The following CREM variants were observed in gnomAD, a reference collection of about 807,000 sequenced individuals.
CREM encodes the protein cAMP responsive element modulator.
CREM carries 13 observed loss-of-function variants against 37.3 expected under a neutral mutation model. That is an observed-to-expected ratio of 0.35 (90% CI 0.23 to 0.55). CREM has a LOEUF of 0.55. Among genes scored for constraint, CREM ranks in the 20% least tolerant of loss-of-function variants. CREM has a pLI of 0.88. For missense variants in CREM, 296 were observed against 362.3 expected (o/e 0.82, Z 1.49); for synonymous variants, 124 against 120.2 (o/e 1.03, Z -0.21).
In CREM at chr10:35,211,528, T is replaced by C; in HGVS notation, c.*130T>C. 2.7e-6 allele frequency: 4 copies of C among 1,495,356 alleles called. No homozygotes were observed. The South Asian group carries it at 5.3e-5, about 20-fold the overall frequency. 92.6% of individuals were successfully genotyped at this position (1,495,356 alleles called of 1,614,324 possible). A position where few individuals can be genotyped will look rare whatever the true frequency, so the allele number is the denominator to read the frequency against. ...ATCCAGTTTGGATTAGTGTTTGAAATTGAATTGGGAATGTTGTTCCAGGAT... is the reference window on the plus strand; with the variant it reads ...ATCCAGTTTGGATTAGTGTTTGAAACTGAATTGGGAATGTTGTTCCAGGAT... On this transcript the variant is annotated 3_prime_UTR_variant, in exon 8 of 8. Transcript: ENST00000685392.
At chr10:35,206,621 A>G (rs1201451150) in intron 6 of CREM, among the ~76,000 whole-genome samples, 1 of 152,208 alleles carries the variant, frequency 6.6e-6, no homozygotes, top group African/African-American at 2.4e-5. Flanking sequence ...CTAAATGAGC[A>G]TCTTAAGCTT....
At position 35,136,529 on chromosome 10, in the gene CREM, C is replaced by G. The variant is rs555367210; in HGVS notation, c.-54-1253C>G. Among the ~76,000 whole-genome samples, 6 of 152,306 alleles carry G rather than the reference C, an allele frequency of 3.9e-5. No individual in the cohort carries two copies. The East Asian group carries it at 1.2e-3, about 29-fold the overall frequency. On this transcript the variant is annotated intron_variant, in intron 1 of 7. Transcript: ENST00000685392. ...AGCCTGTTCAAATGCCCTACTGTCT[C>G]TTGTCCCTATGCTGGGGGCACATGG...
intron 1 of CREM, among the ~76,000 whole-genome samples, chr10:35,135,906 A>T (rs1200570601): frequency 6.6e-6 from 1 of 152,172 alleles, no homozygotes; most frequent in Non-Finnish European, 1.5e-5. Context: ...ACTAGAAAGC[A>T]TCCTTTTAGA....
At chr10:35,167,864 A>G in intron 3 of CREM, 1 of 1,402,422 alleles carries the variant, frequency 7.1e-7, no homozygotes, top group Middle Eastern at 1.8e-4. Flanking sequence ...AGAGGGGTAA[A>G]AATTGTGAAA....
intron 6 of CREM, chr10:35,201,572 A>C: frequency 6.7e-7 from 1 of 1,501,746 alleles, no homozygotes. Flanking sequence ...AAAGAGAGAT[A>C]TGTAGTTAAT....
At chr10:35,138,435 T>G (rs1301539504) in intron 2 of CREM, among the ~76,000 whole-genome samples, 1 of 152,194 alleles carries the variant, frequency 6.6e-6, no homozygotes, top group East Asian at 1.9e-4. Flanking sequence ...GGATTCTATT[T>G]TTAGAAGAGA....
chr10:35,137,898 T>C lies in CREM; in HGVS notation c.44+19T>C. The C allele has an allele frequency of 6.4e-7, 1 of 1,569,130 alleles. No homozygotes were observed. Among genetic ancestry groups the C allele is most frequent in the Non-Finnish European group, 8.6e-7 (1 of 1,157,246 alleles). The stretch of plus-strand genomic sequence containing the variant: ...ATCCAAGGTAGGTAGATGTACGTTT[T>C]TCTGTTCTTTTGAAAATTCTACTTA... On this transcript the variant is annotated intron_variant, in intron 2 of 7. Coordinates refer to ENST00000685392, the MANE Select transcript of CREM (RefSeq NM_183011.2).
chr10:35,205,069 A>G (rs1362028717), intron 6 of CREM, among the ~76,000 whole-genome samples: 1 of 152,186 alleles, frequency 6.6e-6, no homozygotes, highest in Non-Finnish European at 1.5e-5. Flanking sequence ...GAGAGCATGT[A>G]TTTTGTAATG....
chr10:35,197,613 C>T (rs1317107059), intron 6 of CREM, among the ~76,000 whole-genome samples: 4 of 151,986 alleles, frequency 2.6e-5, no homozygotes, highest in Admixed American at 6.5e-5. Flanking sequence ...CCACCACGCC[C>T]GGCTAATTTT....
chr10:35,197,977 C>CTATACATTTATATAAATGTATA (rs1320951511), intron 6 of CREM, among the ~76,000 whole-genome samples: 25 of 152,116 alleles, frequency 1.6e-4, no homozygotes, highest in Non-Finnish European at 3.5e-4. Context: ...TGTATGTACC[C>CTATACATTTATATAAATGTATA]TACATTTATA....
chr10:35,198,312 C>G (rs1049858099), intron 6 of CREM, among the ~76,000 whole-genome samples: 2 of 152,102 alleles, frequency 1.3e-5, no homozygotes, highest in Non-Finnish European at 2.9e-5. Flanking sequence ...ATCACAACCT[C>G]AGGAGTTCAA....
intron 3 of CREM, chr10:35,158,503 GA>G: frequency 9.7e-6 from 2 of 207,176 alleles, no homozygotes. Context: ...CTGAAGTGGA[GA>G]AGGAGGCCCA....
chr10:35,210,680 C>T (rs2095646153), intron 7 of CREM: 1 of 152,144 alleles, frequency 6.6e-6, no homozygotes. Flanking sequence ...TATAAAAATG[C>T]ACATCTTTTG....
At chr10:35,168,123 G>A (rs2093639342) in intron 3 of CREM, among the ~76,000 whole-genome samples, 2 of 152,198 alleles carry the variant, frequency 1.3e-5, no homozygotes, top group Admixed American at 6.5e-5. Context: ...CCAGTAATGG[G>A]ATGGCTGGGT....
chr10:35,207,802 A>G (rs4934735), intron 7 of CREM, among the ~76,000 whole-genome samples: 50,678 of 151,808 alleles, frequency 0.33, 8,559 homozygotes, highest in Non-Finnish European at 0.35. Context: ...TTCATAAGCC[A>G]TTTCTCCCAA....
Position 35,133,093 on chromosome 10 carries a change from G to T in CREM, c.-54-4689G>T, listed in dbSNP as rs185476377. Among the ~76,000 whole-genome samples, 25 of 152,138 alleles carry T rather than the reference G, an allele frequency of 1.6e-4. No homozygotes were observed. The East Asian group carries it at 4.2e-3, about 26-fold the overall frequency. On this transcript the variant is annotated intron_variant, in intron 1 of 7. Transcript: ENST00000685392. Reference sequence around the variant, plus strand: ...TTTTCTTTTTCTTTTGAGTATGCTAGTTGCAGTGCTTTCAGGTTTTCTTAT... The same window carrying T: ...TTTTCTTTTTCTTTTGAGTATGCTATTTGCAGTGCTTTCAGGTTTTCTTAT...
At chr10:35,139,991 C>T (rs1259685755) in intron 2 of CREM, among the ~76,000 whole-genome samples, 2 of 152,080 alleles carry the variant, frequency 1.3e-5, no homozygotes, top group African/African-American at 2.4e-5. Context: ...GCACTGAGTC[C>T]TGTATAGGAG....
At chr10:35,136,902 C>A (rs1004486413) in intron 1 of CREM, among the ~76,000 whole-genome samples, 1 of 151,268 alleles carries the variant, frequency 6.6e-6, no homozygotes, top group Non-Finnish European at 1.5e-5. Context: ...CCCATTGCAG[C>A]CTCAACTTTC....
At chr10:35,149,930 A>ACACG (rs1231614020) in intron 3 of CREM, among the ~76,000 whole-genome samples, 1 of 149,168 alleles carries the variant, frequency 6.7e-6, no homozygotes, top group African/African-American at 2.5e-5. Flanking sequence ...ACACACACAC[A>ACACG]CACACACACC....
Sources: gnomAD v4.1 joint callset for allele counts (sites outside exome capture counted in the v4.1 genomes callset) on GRCh38, gnomAD v4.1.1 for gene constraint, MANE v1.5 for transcripts, NCBI Gene and HGNC (gene_info 2026-07-23, HGNC 2026-07-21) for gene names.